The following PRKCB variants were observed in gnomAD, a reference collection of about 807,000 sequenced individuals.
PRKCB encodes protein kinase C beta.
A neutral mutation model predicts 81.5 loss-of-function variants in PRKCB; 13 were observed. The observed-to-expected ratio is 0.16, with a 90% CI of 0.10 to 0.25. The LOEUF (loss-of-function observed/expected upper bound fraction) is 0.25, where lower values mean the gene tolerates loss of function less well. Ranked by LOEUF, PRKCB falls within the 10% of genes least tolerant of loss-of-function variation. The probability of loss-of-function intolerance (pLI) is 1.00; values close to 1 mark genes in which losing one functional copy is unlikely to be tolerated. For missense variants in PRKCB, 509 were observed against 875.7 expected, an observed-to-expected ratio of 0.58 and a Z score of 5.29; for synonymous variants, 335 against 321.4, an observed-to-expected ratio of 1.04 and a Z score of -0.45.
chr16:23,943,867 T>G (rs921779285), intron 2 of PRKCB, among the ~76,000 whole-genome samples: 4 of 152,132 alleles, frequency 2.6e-5, no homozygotes, highest in Admixed American at 6.5e-5. Flanking sequence ...AACTGATTCA[T>G]TTTTTTCTCA....
rs749465077 is a variant in PRKCB, at chr16:24,035,504, C to A, written c.486C>A (p.Ile162=). ...GTDHTERRGR[I]YIQAHIDRDV... ...ACCACACGGAGCGCCGCGGCCGCAT[C>A]TACATCCAGGCCCACATCGACAGGG... is the stretch of plus-strand genomic sequence containing the variant. The change falls in exon 5 of 17, where the codon ATC becomes ATA. Residue 162 remains isoleucine (I), a synonymous_variant. Coordinates refer to ENST00000643927, the MANE Select transcript of PRKCB (RefSeq NM_002738.7). 6.2e-7 allele frequency: 1 copy of A among 1,614,200 alleles called. No individual in the cohort carries two copies. Among genetic ancestry groups the A allele is most frequent in the South Asian group, 1.1e-5 (1 of 91,092 alleles).
intron 2 of PRKCB, among the ~76,000 whole-genome samples, chr16:23,857,538 G>T (rs1962590089): frequency 6.6e-6 from 1 of 152,188 alleles, no homozygotes; most frequent in Admixed American, 6.5e-5. Flanking sequence ...GTGCCTGATA[G>T]GTGGGGGCCC....
rs1419128166 is a variant in PRKCB, at chr16:23,918,382, T to TTAA, written c.206-70126_206-70125insTAA. 9.8e-5 allele frequency among the ~76,000 whole-genome samples: 10 copies of TTAA among 102,166 alleles called. No homozygotes were observed. In the East Asian group the frequency reaches 1.6e-3, roughly 16 times the overall value. The allele number at this position is 102,166 out of a possible 152,430, so 67.0% of individuals were successfully genotyped here. ...AGACTTGTTCTTTGTGTTACCTTTTTATTATTATTATTATTATTATTTTTT... is the reference window on the plus strand; with the variant it reads ...AGACTTGTTCTTTGTGTTACCTTTTTTAAATTATTATTATTATTATTATTTTTT... On this transcript the variant is annotated intron_variant, in intron 2 of 16. Coordinates refer to ENST00000643927, the MANE Select transcript of PRKCB (RefSeq NM_002738.7).
At chr16:23,955,230 G>A (rs1964334734) in intron 2 of PRKCB, among the ~76,000 whole-genome samples, 1 of 149,326 alleles carries the variant, frequency 6.7e-6, no homozygotes, top group Admixed American at 6.7e-5. Flanking sequence ...ACACACACAT[G>A]CACACACACA....
At chr16:23,960,456 G>A (rs568918531) in intron 2 of PRKCB, among the ~76,000 whole-genome samples, 16 of 151,610 alleles carry the variant, frequency 1.1e-4, no homozygotes, top group Non-Finnish European at 1.9e-4. Flanking sequence ...TCATGTCTGT[G>A]TCTTTTTTTT....
intron 5 of PRKCB, among the ~76,000 whole-genome samples, chr16:24,055,787 T>C (rs1965896248): frequency 6.6e-6 from 1 of 152,202 alleles, no homozygotes; most frequent in Non-Finnish European, 1.5e-5. Flanking sequence ...TTTCTTCTAG[T>C]TTTGTAGGGG....
chr16:23,917,551 G>A (rs911482576), intron 2 of PRKCB, among the ~76,000 whole-genome samples: 2 of 152,208 alleles, frequency 1.3e-5, no homozygotes, highest in African/African-American at 4.8e-5. Context: ...AGATTAGGAG[G>A]GACTGCAGCT....
chr16:24,182,873 T>TTGTGTGTG (rs10524225), intron 13 of PRKCB, among the ~76,000 whole-genome samples: 48 of 133,606 alleles, frequency 3.6e-4, no homozygotes, highest in African/African-American at 8.6e-4. Context: ...ACATTGTTTC[T>TTGTGTGTG]TGTGTGTGTG....
chr16:23,836,345 T>C lies in PRKCB; in HGVS notation c.170T>C (p.Ile57Thr). 6.2e-7 allele frequency: 1 copy of C among 1,600,926 alleles called. No homozygotes were observed. The highest frequency in any genetic ancestry group is 8.5e-7 in the Non-Finnish European group (1 of 1,174,552). ...PTFCSHCTDF[I>T]WGFGKQGFQC... The stretch of plus-strand genomic sequence containing the variant: ...TTCTGCAGCCACTGCACCGACTTCA[T>C]CTGGTGAGCGCGCGCGCGCAGGGCA... Residue 57 changes from isoleucine (I) to threonine (T), a missense_variant, in exon 1 of 17, where the codon ATC becomes ACC. By Grantham distance (89) the Ile-to-Thr change is moderately conservative. Coordinates refer to ENST00000643927, the MANE Select transcript of PRKCB (RefSeq NM_002738.7).
chr16:23,931,462 A>G (rs1331994091), intron 2 of PRKCB, among the ~76,000 whole-genome samples: 1 of 152,130 alleles, frequency 6.6e-6, no homozygotes, highest in Non-Finnish European at 1.5e-5. Flanking sequence ...TGTGGGAAAG[A>G]TTTTGGCAAA....
chr16:24,118,709 A>G (rs985905181), intron 8 of PRKCB, among the ~76,000 whole-genome samples: 1 of 152,204 alleles, frequency 6.6e-6, no homozygotes, highest in Non-Finnish European at 1.5e-5. Flanking sequence ...AGGGCTCTAA[A>G]TCGCAGACAT....
chr16:24,142,436 C>T (rs956324858), intron 9 of PRKCB, among the ~76,000 whole-genome samples: 1 of 152,168 alleles, frequency 6.6e-6, no homozygotes, highest in Non-Finnish European at 1.5e-5. Context: ...GTGAGTGCCC[C>T]GGGAAGAGCA....
At chr16:24,079,745 G>A (rs190886516) in intron 5 of PRKCB, among the ~76,000 whole-genome samples, 56 of 152,186 alleles carry the variant, frequency 3.7e-4, no homozygotes, top group African/African-American at 1.1e-3. Flanking sequence ...ATGTAATTGC[G>A]TTGATTGGTA....
chr16:23,867,011 TC>T (rs1962808238), intron 2 of PRKCB, among the ~76,000 whole-genome samples: 4 of 79,440 alleles, frequency 5.0e-5, no homozygotes, highest in African/African-American at 2.1e-4. Flanking sequence ...CTTCCTTCCT[TC>T]CTTCCTTCCT....
intron 10 of PRKCB, among the ~76,000 whole-genome samples, chr16:24,162,304 T>C (rs563406779): frequency 1.3e-5 from 2 of 152,156 alleles, no homozygotes; most frequent in African/African-American, 4.8e-5. Flanking sequence ...CCCAAGGATA[T>C]GGTTGGACTT....
chr16:23,850,057 G>C (rs995353409), intron 2 of PRKCB, among the ~76,000 whole-genome samples: 3 of 152,088 alleles, frequency 2.0e-5, no homozygotes, highest in Non-Finnish European at 4.4e-5. Context: ...ATATACGTGA[G>C]ATCATGCTGT....
At chr16:23,980,473 G>A (rs1310853826) in intron 2 of PRKCB, among the ~76,000 whole-genome samples, 1 of 152,310 alleles carries the variant, frequency 6.6e-6, no homozygotes, top group South Asian at 2.1e-4. Flanking sequence ...TCTTATTTGA[G>A]CTGCACAACA....
At position 23,964,675 on chromosome 16, in the gene PRKCB, T is replaced by C. The variant is rs74952292; in HGVS notation, c.206-23833T>C. 6.8e-5 allele frequency among the ~76,000 whole-genome samples: 8 copies of C among 116,842 alleles called. No homozygotes were observed. In the East Asian group the frequency reaches 1.9e-3, roughly 27 times the overall value. The allele number at this position is 116,842 out of a possible 152,430, so 76.7% of individuals were successfully genotyped here. Reference sequence around the variant, plus strand: ...TCCAGGGGGCAAACACCTCATGAGGTTTTTTTTTTTTTTTTGGCAGTCTTG... The same window carrying C: ...TCCAGGGGGCAAACACCTCATGAGGCTTTTTTTTTTTTTTTGGCAGTCTTG... On this transcript the variant is annotated intron_variant, in intron 2 of 16. Transcript: ENST00000643927.
Position 23,859,888 on chromosome 16 carries a change from A to G in PRKCB, c.205+22482A>G, listed in dbSNP as rs72777932. ...CATTAGGAGAGAGAGAGAGAGAAAG[A>G]GAGAGAGAGAAAGAGAGAGAGCGAG... On this transcript the variant is annotated intron_variant, in intron 2 of 16. Transcript: ENST00000643927. 4.2e-4 allele frequency among the ~76,000 whole-genome samples: 30 copies of G among 70,968 alleles called. 1 individual carries two copies. The South Asian group carries it at 4.7e-3, about 11-fold the overall frequency. 46.6% of individuals were successfully genotyped at this position (70,968 alleles called of 152,430 possible).
Sources: gnomAD v4.1 joint callset for allele counts (sites outside exome capture counted in the v4.1 genomes callset) on GRCh38, gnomAD v4.1.1 for gene constraint, MANE v1.5 for transcripts, NCBI Gene and HGNC (gene_info 2026-07-23, HGNC 2026-07-21) for gene names.